Variants in GPBP1 observed in about 807,000 individuals in gnomAD.
GPBP1 encodes the protein vasculin.
Under a neutral mutation model 56.5 loss-of-function variants are expected in GPBP1, and 13 were observed. The observed-to-expected ratio is 0.23, with a 90% CI of 0.15 to 0.37. The LOEUF (loss-of-function observed/expected upper bound fraction) is 0.37. GPBP1 is among the 10% of genes least tolerant of loss of function. The pLI, the probability that GPBP1 is intolerant of heterozygous loss-of-function variation, is 1.00. For missense variants in GPBP1, 477 were observed against 572.3 expected (o/e 0.83, Z 1.70); for synonymous variants, 204 against 188.9 (o/e 1.08, Z -0.66).
intron 2 of GPBP1, among the ~76,000 whole-genome samples, chr5:57,181,421 G>GA (rs1355243030): frequency 4.2e-5 from 6 of 141,910 alleles, no homozygotes; most frequent in Non-Finnish European, 6.2e-5. Flanking sequence ...AGCTTGGGGT[G>GA]ACAAGACTGT....
Position 57,198,022 on chromosome 5 carries a change from A to G in GPBP1, c.-57-16052A>G, listed in dbSNP as rs77074290. On this transcript the variant is annotated intron_variant, in intron 2 of 11. Transcript: ENST00000506184. The stretch of plus-strand genomic sequence containing the variant: ...TATTAGCTCCTTATTTGTGTTTGAG[A>G]GAATCTACCTTTCCTTTTTGTTTCG... 2.6e-4 allele frequency among the ~76,000 whole-genome samples: 39 copies of G among 151,930 alleles called. 1 individual carries two copies. In the East Asian group the frequency reaches 6.6e-3, roughly 26 times the overall value.
chr5:57,213,381 C>T (rs1755575064), intron 2 of GPBP1, among the ~76,000 whole-genome samples: 1 of 152,124 alleles, frequency 6.6e-6, no homozygotes, highest in Non-Finnish European at 1.5e-5. Context: ...TCATAACCAC[C>T]ACACCATTAT....
chr5:57,236,178 G>C (rs879673477), intron 6 of GPBP1, 146 bp downstream of exon 6: 36 of 586,482 alleles, frequency 6.1e-5, no homozygotes, highest in Non-Finnish European at 9.6e-5. Context: ...CTACAAAAAA[G>C]GTAACATTCG....
intron 2 of GPBP1, among the ~76,000 whole-genome samples, chr5:57,206,425 A>G (rs915077935): frequency 6.6e-6 from 1 of 152,064 alleles, no homozygotes; most frequent in Non-Finnish European, 1.5e-5. Context: ...TTGAGACAGA[A>G]TCTTGCTCTG....
intron 10 of GPBP1, among the ~76,000 whole-genome samples, chr5:57,257,181 C>A (rs1229227826): frequency 6.6e-6 from 1 of 151,676 alleles, no homozygotes; most frequent in African/African-American, 2.4e-5. Context: ...ATTACAGGCA[C>A]CCGCCACAAC....
At chr5:57,244,130 T>TA (rs756162738) in intron 6 of GPBP1, among the ~76,000 whole-genome samples, 4 of 152,250 alleles carry the variant, frequency 2.6e-5, no homozygotes, top group Admixed American at 6.5e-5. Context: ...ATTCTATTTT[T>TA]ATCAAAGTTG....
intron 2 of GPBP1, among the ~76,000 whole-genome samples, chr5:57,198,471 G>A (rs960892783): frequency 6.6e-6 from 1 of 152,154 alleles, no homozygotes; most frequent in Non-Finnish European, 1.5e-5. Context: ...GAATAAACAA[G>A]TTCAGTATCT....
chr5:57,250,900 A>G (rs1322533008), intron 9 of GPBP1, 54 bp from the exon 10 acceptor site: 47 of 1,214,048 alleles, frequency 3.9e-5, no homozygotes, highest in Middle Eastern at 2.4e-4. Context: ...GTTTTTAATA[A>G]CTGTATTCTG....
chr5:57,183,592 A>G (rs1020327246), intron 2 of GPBP1, among the ~76,000 whole-genome samples: 2 of 151,916 alleles, frequency 1.3e-5, no homozygotes, highest in Admixed American at 6.6e-5. Flanking sequence ...TCAGTGAGCT[A>G]TGATTGTATC....
chr5:57,215,432 G>C (rs569190076), intron 3 of GPBP1, among the ~76,000 whole-genome samples: 2 of 152,162 alleles, frequency 1.3e-5, no homozygotes, highest in African/African-American at 4.8e-5. Context: ...AAACCCATCC[G>C]TTAGGCTCCA....
At chr5:57,215,614 C>T (rs1755669445) in intron 3 of GPBP1, among the ~76,000 whole-genome samples, 1 of 152,214 alleles carries the variant, frequency 6.6e-6, no homozygotes, top group African/African-American at 2.4e-5. Context: ...CAGGTTCATT[C>T]AGAACTAGCT....
At chr5:57,256,806 T>C (rs1193208896) in intron 10 of GPBP1, among the ~76,000 whole-genome samples, 1 of 152,204 alleles carries the variant, frequency 6.6e-6, no homozygotes, top group Admixed American at 6.5e-5. Flanking sequence ...TTAAGTAGAA[T>C]ATGTGTTTGT....
chr5:57,256,528 T>G (rs967219458), intron 10 of GPBP1, among the ~76,000 whole-genome samples: 24 of 152,266 alleles, frequency 1.6e-4, no homozygotes, highest in Middle Eastern at 6.8e-3. Flanking sequence ...GTTTAAACTA[T>G]AAAAAGAGAG....
chr5:57,252,080 C>T (rs571928340), intron 10 of GPBP1, among the ~76,000 whole-genome samples: 4 of 152,066 alleles, frequency 2.6e-5, no homozygotes, highest in African/African-American at 9.6e-5. Flanking sequence ...TAATTTCTCC[C>T]ATTCTGTGAG....
rs921047050 is a variant in GPBP1 at position 57,263,011 on chromosome 5, C to G, written c.*259C>G. 3 of 315,692 alleles carry G rather than the reference C, an allele frequency of 9.5e-6. No homozygotes were observed. The East Asian group carries it at 1.6e-4, about 17-fold the overall frequency. The allele number at this position is 315,692 out of a possible 1,614,324, so 19.6% of individuals were successfully genotyped here. On this transcript the variant is annotated 3_prime_UTR_variant, in exon 12 of 12. Transcript: ENST00000506184. ...CTTTCTTCATCACTGCAACATTTCTCTGACTAGCAATGTGACGATGTAACA... is the reference window on the plus strand; with the variant it reads ...CTTTCTTCATCACTGCAACATTTCTGTGACTAGCAATGTGACGATGTAACA...
intron 2 of GPBP1, among the ~76,000 whole-genome samples, chr5:57,189,959 A>G (rs867683654): frequency 1.3e-5 from 2 of 152,250 alleles, no homozygotes; most frequent in South Asian, 2.1e-4. Flanking sequence ...GGGCCACTCT[A>G]TTCAATACTT....
At chr5:57,179,537 C>T (rs1753947768) in intron 2 of GPBP1, among the ~76,000 whole-genome samples, 1 of 152,176 alleles carries the variant, frequency 6.6e-6, no homozygotes, top group Admixed American at 6.6e-5. Flanking sequence ...CACCCATAGC[C>T]TGTTTCCACA....
chr5:57,218,822 A>C (rs949046494), intron 3 of GPBP1, among the ~76,000 whole-genome samples: 2 of 152,242 alleles, frequency 1.3e-5, no homozygotes, highest in Non-Finnish European at 2.9e-5. Context: ...CCAGGTCCTA[A>C]TAAATTTTGG....
rs547469015 is a variant in GPBP1, at chr5:57,180,990, C to T, written c.-58+4590C>T. ...CTCCTGATCTCAGGTGATCCACCCA[C>T]CTCAACAAATTTAAATATGGCTTTA... On this transcript the variant is annotated intron_variant, in intron 2 of 11. Transcript: ENST00000506184. 2.6e-5 allele frequency among the ~76,000 whole-genome samples: 4 copies of T among 152,228 alleles called. No homozygotes were observed. In the East Asian group the frequency reaches 7.7e-4, roughly 29 times the overall value.
Sources: gnomAD v4.1 joint callset for allele counts (sites outside exome capture counted in the v4.1 genomes callset) on GRCh38, gnomAD v4.1.1 for gene constraint, MANE v1.5 for transcripts, NCBI Gene and HGNC (gene_info 2026-07-23, HGNC 2026-07-21) for gene names.